TTC7A: variants seen among roughly 807,000 people sequenced by gnomAD.
TTC7A encodes tetratricopeptide repeat domain 7A.
In TTC7A, 110 loss-of-function variants were observed where a neutral mutation model predicts 103.7. That is an observed-to-expected ratio of 1.06 (90% CI 0.91 to 1.24). The LOEUF (loss-of-function observed/expected upper bound fraction) is 1.24. TTC7A is among the 50% of genes most tolerant of loss of function. The pLI, the probability that TTC7A is intolerant of heterozygous loss-of-function variation, is 0.00. For missense variants in TTC7A, 1,340 were observed against 1,116.3 expected (o/e 1.20, Z -2.86); for synonymous variants, 521 against 467.9 (o/e 1.11, Z -1.47).
intron 3 of TTC7A, among the ~76,000 whole-genome samples, chr2:46,961,182 C>G (rs1483677552): frequency 6.6e-6 from 1 of 152,158 alleles, no homozygotes; most frequent in Non-Finnish European, 1.5e-5. Context: ...TGTTCCCAGC[C>G]GATTCCAGGT....
chr2:47,009,910 G>T (rs1302787476), intron 10 of TTC7A, among the ~76,000 whole-genome samples: 16 of 144,792 alleles, frequency 1.1e-4, no homozygotes, highest in South Asian at 4.5e-4. Context: ...TTTTGGTGGT[G>T]GGGGGGACAG....
intron 16 of TTC7A, chr2:47,046,940 G>A (rs559067836): frequency 3.4e-6 from 1 of 291,996 alleles, no homozygotes; most frequent in Non-Finnish European, 6.3e-6. Context: ...AGGAGGAGGT[G>A]TACTCCTGAA....
At chr2:47,025,362 C>T (rs56200787) in intron 14 of TTC7A, among the ~76,000 whole-genome samples, 10,183 of 152,212 alleles carry the variant, frequency 0.067, 538 homozygotes, top group African/African-American at 0.14. Context: ...CCACAGCCCA[C>T]GGGGTCTAGG....
intron 14 of TTC7A, among the ~76,000 whole-genome samples, chr2:47,025,139 A>G (rs1290575149): frequency 1.3e-5 from 2 of 152,322 alleles, no homozygotes; most frequent in African/African-American, 2.4e-5. Flanking sequence ...CACCCAGGAA[A>G]TGGGCTGAGC....
At chr2:47,021,527 G>A (rs1420724339) in intron 11 of TTC7A, among the ~76,000 whole-genome samples, 2 of 152,240 alleles carry the variant, frequency 1.3e-5, no homozygotes, top group African/African-American at 2.4e-5. Context: ...CATCCAGCAA[G>A]GCACATGTTC....
In TTC7A at chr2:47,074,145, G is replaced by C. The variant is rs1339106288; in HGVS notation, c.*222G>C. The C allele has an allele frequency of 1.7e-6, 1 of 580,348 alleles. No homozygotes were observed. The highest frequency in any genetic ancestry group is 3.1e-6 in the Non-Finnish European group (1 of 325,028). 35.9% of individuals were successfully genotyped at this position (580,348 alleles called of 1,614,324 possible). On this transcript the variant is annotated 3_prime_UTR_variant, in exon 20 of 20. Coordinates refer to ENST00000319190, the MANE Select transcript of TTC7A (RefSeq NM_020458.4). ...GGAAACAGTCTGACTTGAACCCTAA[G>C]TGCCTTTGGAGAGTTTTGTGGTGAC... is the stretch of plus-strand genomic sequence containing the variant.
upstream of TTC7A, chr2:46,916,154 C>T (rs566906542): frequency 1.6e-4 from 156 of 985,536 alleles, no homozygotes; most frequent in African/African-American, 2.5e-3. Context: ...CTCCGCTCAC[C>T]CCCTCCTATA....
chr2:46,921,073 A>C (rs1374245144), intron 2 of TTC7A, among the ~76,000 whole-genome samples: 1 of 152,204 alleles, frequency 6.6e-6, no homozygotes, highest in Non-Finnish European at 1.5e-5. Context: ...CTTAGAGTGA[A>C]AGACTGAATG....
intron 3 of TTC7A, chr2:46,974,489 G>A (rs1673659407): frequency 5.6e-6 from 2 of 359,608 alleles, no homozygotes; most frequent in South Asian, 2.1e-5. Context: ...CAGTCTCCTG[G>A]TGGGAAAGTT....
At chr2:47,061,195 G>C (rs149799519) in intron 19 of TTC7A, among the ~76,000 whole-genome samples, 44 of 152,142 alleles carry the variant, frequency 2.9e-4, no homozygotes, top group African/African-American at 1.0e-3. Flanking sequence ...CTTCAATCAG[G>C]GTCTGTGTTG....
chr2:47,006,543 A>G (rs1677414395), intron 9 of TTC7A, 98 bp from the exon 10 acceptor site: 2 of 1,106,940 alleles, frequency 1.8e-6, no homozygotes, highest in African/African-American at 3.1e-5. Context: ...GCAGCCTCCC[A>G]AAAGCGGTGA....
intron 3 of TTC7A, among the ~76,000 whole-genome samples, chr2:46,957,615 A>G (rs1352850979): frequency 2.6e-5 from 4 of 152,170 alleles, no homozygotes; most frequent in Admixed American, 6.5e-5. Flanking sequence ...GGATTTAGGG[A>G]CATGGGTCAG....
intron 16 of TTC7A, among the ~76,000 whole-genome samples, chr2:47,048,105 G>C (rs1450848731): frequency 6.6e-6 from 1 of 152,118 alleles, no homozygotes; most frequent in Non-Finnish European, 1.5e-5. Flanking sequence ...CACACTGCTG[G>C]TCTCATGTTC....
rs1363625709 is a variant in TTC7A, at chr2:46,974,866, A to C, written c.518-107A>C. 3 of 1,484,284 alleles carry C rather than the reference A, an allele frequency of 2.0e-6. No homozygotes were observed. In the Admixed American group the frequency reaches 5.5e-5, roughly 27 times the overall value. 91.9% of individuals were successfully genotyped at this position (1,484,284 alleles called of 1,614,324 possible). A position where few individuals can be genotyped will look rare whatever the true frequency, so the allele number is the denominator to read the frequency against. The stretch of plus-strand genomic sequence containing the variant: ...CAGACCTCCGCCTCCTCCTGGCTGC[A>C]CCAGAGTGTCTGCCCCCTCGGATGA... On this transcript the variant is annotated intron_variant, in intron 3 of 19. Coordinates refer to ENST00000319190, the MANE Select transcript of TTC7A (RefSeq NM_020458.4).
At chr2:47,039,635 G>A (rs1417829710) in intron 15 of TTC7A, among the ~76,000 whole-genome samples, 1 of 152,244 alleles carries the variant, frequency 6.6e-6, no homozygotes, top group Non-Finnish European at 1.5e-5. Context: ...GCAGTGGGAA[G>A]AAATTGTTTC....
At position 47,029,299 on chromosome 2, in the gene TTC7A, G is replaced by T. The variant is rs1030268054; in HGVS notation, c.1717G>T (p.Ala573Ser). The change falls in exon 15 of 20, where the codon GCA becomes TCA. Residue 573 changes from alanine (A) to serine (S), a missense_variant. By Grantham distance (99) the Ala-to-Ser change is moderately conservative (BLOSUM62 1). Transcript: ENST00000319190. ...TGATGCCCACGCCCTCCACCTGCTG[G>T]CACTGCTCTTCTCTGCCCAGAAGCA... Reference protein sequence around the residue: ...KDDAHALHLLALLFSAQKHHQ... With the variant: ...KDDAHALHLLSLLFSAQKHHQ... 3.1e-6 allele frequency: 5 copies of T among 1,613,938 alleles called. No individual in the cohort carries two copies. Among genetic ancestry groups the T allele is most frequent in the African/African-American group, 2.7e-5 (2 of 74,932 alleles).
intron 19 of TTC7A, chr2:47,068,698 C>G (rs1241375418): frequency 1.3e-5 from 2 of 151,510 alleles, no homozygotes; most frequent in Non-Finnish European, 2.9e-5. Flanking sequence ...TGGCACAGCC[C>G]CACACACACA....
Position 47,011,374 on chromosome 2 carries a change from G to C in TTC7A, c.1331G>C (p.Arg444Pro), listed in dbSNP as rs764574982. The C allele has an allele frequency of 3.7e-6, 6 of 1,612,538 alleles. No homozygotes were observed. In the South Asian group the frequency reaches 4.4e-5, roughly 12 times the overall value. The change falls in exon 11 of 20, where the codon CGG becomes CCG. Residue 444 changes from arginine to proline, a missense_variant. Transcript: ENST00000319190. Reference protein sequence around the residue: ...VSLLRECVKLRPSDPTVPLMA... With the variant: ...VSLLRECVKLPPSDPTVPLMA... ...CTGCTGCGGGAGTGTGTGAAGTTGC[G>C]GCCCTCGGACCCCACCGTGCCCCTG...
chr2:47,014,382 A>G (rs145575348), intron 11 of TTC7A, among the ~76,000 whole-genome samples: 1 of 152,306 alleles, frequency 6.6e-6, no homozygotes, highest in African/African-American at 2.4e-5. Context: ...CCTAGGTGGC[A>G]CTGTAAAGAG....
Sources: allele counts gnomAD v4.1 joint callset (sites outside exome capture counted in the v4.1 genomes callset), GRCh38; gene constraint gnomAD v4.1.1; transcripts MANE v1.5; gene names NCBI Gene and HGNC (gene_info 2026-07-23, HGNC 2026-07-21).